The following AGBL4 variants were observed in gnomAD, a reference collection of about 807,000 sequenced individuals.
AGBL4 encodes AGBL carboxypeptidase 4.
A neutral mutation model predicts 66.4 loss-of-function variants in AGBL4; 58 were observed. The observed-to-expected ratio is 0.87, with a 90% confidence interval of 0.71 to 1.09. The LOEUF is 1.09. AGBL4 is among the 50% of genes least tolerant of loss of function. AGBL4 has a pLI of 0.00. For missense variants in AGBL4, 579 were observed against 631.0 expected (o/e 0.92, Z 0.88); for synonymous variants, 234 against 222.9 (o/e 1.05, Z -0.44).
chr1:49,197,017 T>A (rs762682198), intron 4 of AGBL4, among the ~76,000 whole-genome samples: 8 of 151,990 alleles, frequency 5.3e-5, no homozygotes, highest in African/African-American at 1.9e-4. Context: ...TTAGTAGAGA[T>A]GGGGTTTTGT....
chr1:49,192,960 T>G (rs1035958084), intron 4 of AGBL4, among the ~76,000 whole-genome samples: 1 of 152,212 alleles, frequency 6.6e-6, no homozygotes, highest in African/African-American at 2.4e-5. Context: ...GGAGGTTGTA[T>G]GCTTCCAGAA....
chr1:49,050,741 G>T (rs1240136579), intron 4 of AGBL4, among the ~76,000 whole-genome samples: 1 of 152,050 alleles, frequency 6.6e-6, no homozygotes, highest in Non-Finnish European at 1.5e-5. Context: ...TGAAGTCTTT[G>T]TCAACAACTT....
At chr1:49,829,993 C>A (rs1207292696) in intron 2 of AGBL4, among the ~76,000 whole-genome samples, 1 of 152,296 alleles carries the variant, frequency 6.6e-6, no homozygotes, top group African/African-American at 2.4e-5. Context: ...TATATGTGCA[C>A]ATTTTCTTTA....
At chr1:49,709,309 C>T (rs920585384) in intron 2 of AGBL4, among the ~76,000 whole-genome samples, 3 of 152,184 alleles carry the variant, frequency 2.0e-5, no homozygotes, top group African/African-American at 4.8e-5. Flanking sequence ...TGTAGCACTG[C>T]GGTGGGCTCT....
At chr1:49,808,734 T>C (rs1217162186) in intron 2 of AGBL4, among the ~76,000 whole-genome samples, 3 of 152,154 alleles carry the variant, frequency 2.0e-5, no homozygotes, top group African/African-American at 4.8e-5. Flanking sequence ...GCCCTGTTCC[T>C]AACATAGTAG....
At chr1:49,677,399 A>G (rs1646602041) in intron 3 of AGBL4, among the ~76,000 whole-genome samples, 1 of 152,082 alleles carries the variant, frequency 6.6e-6, no homozygotes, top group African/African-American at 2.4e-5. Flanking sequence ...ATGGATTACA[A>G]TCCTTGATTT....
chr1:49,083,916 A>G (rs986376018), intron 4 of AGBL4, among the ~76,000 whole-genome samples: 9 of 152,180 alleles, frequency 5.9e-5, no homozygotes, highest in Admixed American at 3.3e-4. Flanking sequence ...ACTCTAAATC[A>G]TCTCTCTCAA....
At chr1:49,656,757 A>G (rs1461954048) in intron 3 of AGBL4, among the ~76,000 whole-genome samples, 2 of 152,200 alleles carry the variant, frequency 1.3e-5, no homozygotes, top group Non-Finnish European at 2.9e-5. Context: ...GACAAAAACC[A>G]CACGATTATC....
At chr1:49,073,439 A>G (rs1406775603) in intron 4 of AGBL4, among the ~76,000 whole-genome samples, 2 of 152,052 alleles carry the variant, frequency 1.3e-5, no homozygotes, top group African/African-American at 4.8e-5. Context: ...TTTGGTGTAG[A>G]TGTCCTTTTT....
At chr1:48,705,039 G>A (rs575462140) in intron 6 of AGBL4, among the ~76,000 whole-genome samples, 22 of 152,244 alleles carry the variant, frequency 1.4e-4, no homozygotes, top group African/African-American at 5.3e-4. Context: ...TAGGCGATGG[G>A]AATTTTTCAG....
At chr1:49,735,754 G>A (rs896356103) in intron 2 of AGBL4, among the ~76,000 whole-genome samples, 15 of 152,018 alleles carry the variant, frequency 9.9e-5, no homozygotes, top group South Asian at 6.2e-4. Context: ...AAAAGAATCC[G>A]TAAAAAAAGT....
intron 5 of AGBL4, among the ~76,000 whole-genome samples, chr1:48,947,300 C>A (rs934768038): frequency 1.3e-5 from 2 of 152,164 alleles, no homozygotes; most frequent in Admixed American, 1.3e-4. Flanking sequence ...GTCTACTTTG[C>A]CAGAATGAAG....
At chr1:49,455,029 G>C (rs1252663569) in intron 3 of AGBL4, among the ~76,000 whole-genome samples, 1 of 151,520 alleles carries the variant, frequency 6.6e-6, no homozygotes, top group Non-Finnish European at 1.5e-5. Context: ...CTATTTTAAA[G>C]AGAGGTTAAG....
chr1:49,352,659 T>C (rs532083182), intron 3 of AGBL4, among the ~76,000 whole-genome samples: 110 of 152,170 alleles, frequency 7.2e-4, no homozygotes, highest in African/African-American at 2.6e-3. Flanking sequence ...TTGATACCCA[T>C]AGCACCAGGA....
intron 4 of AGBL4, among the ~76,000 whole-genome samples, chr1:49,142,114 G>C (rs529622256): frequency 1.6e-4 from 25 of 152,214 alleles, no homozygotes; most frequent in African/African-American, 6.0e-4. Context: ...GAGGGATCTA[G>C]GTTGCACGCT....
At chr1:49,554,959 C>T (rs1653297912) in intron 3 of AGBL4, among the ~76,000 whole-genome samples, 1 of 152,152 alleles carries the variant, frequency 6.6e-6, no homozygotes, top group South Asian at 2.1e-4. Flanking sequence ...AGTGTTAAAG[C>T]TCTTAAAGGC....
chr1:49,898,978 A>T (rs1649495650), intron 1 of AGBL4, among the ~76,000 whole-genome samples: 1 of 152,142 alleles, frequency 6.6e-6, no homozygotes, highest in African/African-American at 2.4e-5. Flanking sequence ...GGCTACAAAG[A>T]GTAGTGTGGA....
At chr1:48,556,753 G>A (rs1644327235) in intron 11 of AGBL4, among the ~76,000 whole-genome samples, 1 of 152,168 alleles carries the variant, frequency 6.6e-6, no homozygotes, top group African/African-American at 2.4e-5. Flanking sequence ...TACATTGTAT[G>A]TGTAATTGTT....
At chr1:49,115,192 G>T (rs1645491382) in intron 4 of AGBL4, among the ~76,000 whole-genome samples, 2 of 152,190 alleles carry the variant, frequency 1.3e-5, no homozygotes, top group South Asian at 4.1e-4. Context: ...AAAGAATCCT[G>T]TTTGGGCTGG....
Sources: allele counts gnomAD v4.1 joint callset (sites outside exome capture counted in the v4.1 genomes callset), GRCh38; gene constraint gnomAD v4.1.1; transcripts MANE v1.5; gene names NCBI Gene and HGNC (gene_info 2026-07-23, HGNC 2026-07-21).